The following ARHGAP15 variants were observed in gnomAD, a reference collection of about 807,000 sequenced individuals.
ARHGAP15 encodes the protein rho GTPase-activating protein 15.
In ARHGAP15, 51 loss-of-function variants were observed where a neutral mutation model predicts 63.7. The ratio of observed to expected loss-of-function variants is 0.80; its 90% CI spans 0.64 to 1.01. The LOEUF (loss-of-function observed/expected upper bound fraction) is 1.01, where lower values mean the gene tolerates loss of function less well. Ranked by LOEUF, ARHGAP15 falls within the 50% of genes least tolerant of loss-of-function variation. ARHGAP15 has a pLI of 0.00. For missense variants in ARHGAP15, 560 were observed against 564.6 expected, an observed-to-expected ratio of 0.99 and a Z score of 0.08; for synonymous variants, 191 against 193.8, an observed-to-expected ratio of 0.99 and a Z score of 0.12.
intron 13 of ARHGAP15, among the ~76,000 whole-genome samples, chr2:143,755,594 C>T (rs552377793): frequency 1.3e-5 from 2 of 152,134 alleles, no homozygotes; most frequent in African/African-American, 2.4e-5. Context: ...TCAGTTCCTG[C>T]GCTCTTCCAT....
chr2:143,190,739 C>T (rs1691654504), intron 2 of ARHGAP15, among the ~76,000 whole-genome samples: 1 of 152,136 alleles, frequency 6.6e-6, no homozygotes, highest in Admixed American at 6.5e-5. Flanking sequence ...AAGTGATCAG[C>T]CTCTTGGATA....
intron 9 of ARHGAP15, among the ~76,000 whole-genome samples, chr2:143,498,425 G>A (rs1341628435): frequency 6.6e-6 from 1 of 152,134 alleles, no homozygotes; most frequent in Non-Finnish European, 1.5e-5. Context: ...TAGTGAAATT[G>A]CAATAGGGAG....
chr2:143,672,672 C>A (rs948645192), intron 12 of ARHGAP15, among the ~76,000 whole-genome samples: 1 of 152,182 alleles, frequency 6.6e-6, no homozygotes. Context: ...GGGCCTTCCT[C>A]CACTTGCCTT....
At chr2:143,209,590 C>T (rs553387424) in intron 3 of ARHGAP15, among the ~76,000 whole-genome samples, 1 of 151,930 alleles carries the variant, frequency 6.6e-6, no homozygotes, top group African/African-American at 2.4e-5. Flanking sequence ...AGAACCTACA[C>T]TGGATTAAGT....
intron 5 of ARHGAP15, among the ~76,000 whole-genome samples, chr2:143,245,994 A>C (rs1028698741): frequency 3.3e-5 from 5 of 152,192 alleles, no homozygotes; most frequent in African/African-American, 1.2e-4. Context: ...CAGGAAAAAA[A>C]TGGAAAATGT....
intron 13 of ARHGAP15, among the ~76,000 whole-genome samples, chr2:143,711,733 A>C (rs1684590054): frequency 6.6e-6 from 1 of 152,146 alleles, no homozygotes; most frequent in Non-Finnish European, 1.5e-5. Context: ...ATTCCAGATC[A>C]GCCTGGGCAA....
At chr2:143,753,334 T>C (rs373650928) in intron 13 of ARHGAP15, among the ~76,000 whole-genome samples, 1 of 152,176 alleles carries the variant, frequency 6.6e-6, no homozygotes, top group Non-Finnish European at 1.5e-5. Context: ...GCAGCCACCA[T>C]AATTATCAAA....
chr2:143,598,930 T>G (rs1697642968), intron 11 of ARHGAP15, among the ~76,000 whole-genome samples: 1 of 147,674 alleles, frequency 6.8e-6, no homozygotes, highest in South Asian at 2.1e-4. Context: ...ATAAGTTGGT[T>G]TTTTTTTTTT....
Position 143,401,768 on chromosome 2 carries a change from A to G in ARHGAP15, c.475-33833A>G, listed in dbSNP as rs539589437. Among the ~76,000 whole-genome samples, 17 of 152,100 alleles carry G rather than the reference A, an allele frequency of 1.1e-4. No individual in the cohort carries two copies. In the South Asian group the frequency reaches 3.1e-3, roughly 28 times the overall value. On this transcript the variant is annotated intron_variant, in intron 6 of 13. Transcript: ENST00000295095. ...ATGTAATTGACAGTGATGATATACA[A>G]TATGTATGAAATGAGCTTTTTCCTA...
chr2:143,739,073 G>C (rs1347958246), intron 13 of ARHGAP15, among the ~76,000 whole-genome samples: 3 of 152,150 alleles, frequency 2.0e-5, no homozygotes, highest in Non-Finnish European at 4.4e-5. Context: ...AGAACCAGCT[G>C]CTGGTTTTTA....
At chr2:143,544,478 CAT>C (rs1233334918) in intron 10 of ARHGAP15, among the ~76,000 whole-genome samples, 12 of 152,246 alleles carry the variant, frequency 7.9e-5, no homozygotes, top group South Asian at 6.2e-4. Context: ...ATACTACACA[CAT>C]GTGTATATAT....
At chr2:143,369,898 T>C (rs999018954) in intron 6 of ARHGAP15, among the ~76,000 whole-genome samples, 2 of 152,168 alleles carry the variant, frequency 1.3e-5, no homozygotes, top group Non-Finnish European at 2.9e-5. Context: ...GGAAGTTATA[T>C]AATTTGCCCA....
At chr2:143,340,465 A>AT (rs1192639677) in intron 6 of ARHGAP15, among the ~76,000 whole-genome samples, 2 of 151,382 alleles carry the variant, frequency 1.3e-5, no homozygotes, top group African/African-American at 4.9e-5. Context: ...TAGTGATGTA[A>AT]TTTTCATTTG....
chr2:143,641,603 T>A (rs2105274001), intron 12 of ARHGAP15, among the ~76,000 whole-genome samples: 1 of 152,226 alleles, frequency 6.6e-6, no homozygotes, highest in Non-Finnish European at 1.5e-5. Context: ...GCCAGTAAAT[T>A]TACAGTAAGC....
intron 12 of ARHGAP15, among the ~76,000 whole-genome samples, chr2:143,667,662 A>G (rs571417894): frequency 6.6e-6 from 1 of 152,112 alleles, no homozygotes; most frequent in East Asian, 1.9e-4. Flanking sequence ...GCAATTTATC[A>G]TAATTTGTGA....
chr2:143,606,707 T>C (rs1036171133), intron 11 of ARHGAP15: 3 of 152,234 alleles, frequency 2.0e-5, no homozygotes, highest in Non-Finnish European at 4.4e-5. Flanking sequence ...AAATCCCATA[T>C]GGTTTTGATG....
intron 12 of ARHGAP15, among the ~76,000 whole-genome samples, chr2:143,681,695 G>A (rs897520143): frequency 6.6e-6 from 1 of 152,096 alleles, no homozygotes; most frequent in African/African-American, 2.4e-5. Flanking sequence ...CAGACAATAT[G>A]GTCAATGAGG....
chr2:143,692,584 CTTG>C (rs556830302), intron 12 of ARHGAP15, among the ~76,000 whole-genome samples: 1,537 of 152,216 alleles, frequency 0.01, 18 homozygotes, highest in Middle Eastern at 0.027. Context: ...TTGTTTGTTG[CTTG>C]TTATTTTTAT....
chr2:143,468,585 T>C (rs1488641387), intron 8 of ARHGAP15, among the ~76,000 whole-genome samples: 3 of 151,952 alleles, frequency 2.0e-5, no homozygotes, highest in African/African-American at 7.3e-5. Flanking sequence ...CTAGAGATTA[T>C]AGCACAATAT....
Sources: allele counts gnomAD v4.1 joint callset (sites outside exome capture counted in the v4.1 genomes callset), GRCh38; gene constraint gnomAD v4.1.1; transcripts MANE v1.5; gene names NCBI Gene and HGNC (gene_info 2026-07-23, HGNC 2026-07-21).